PLXNA4: variants seen among roughly 807,000 people sequenced by gnomAD.
The protein encoded by PLXNA4 is plexin A4, also known as plexin-A4.
In PLXNA4, 44 loss-of-function variants were observed where a neutral mutation model predicts 191.8. The observed-to-expected ratio is 0.23, with a 90% CI of 0.18 to 0.29. The LOEUF is 0.29. Among genes scored for constraint, PLXNA4 ranks in the 10% least tolerant of loss-of-function variants. The probability of loss-of-function intolerance (pLI) is 1.00; values close to 1 mark genes in which losing one functional copy is unlikely to be tolerated. For missense variants in PLXNA4, 1,800 were observed against 2,488.8 expected (o/e 0.72, Z 5.89); for synonymous variants, 1,082 against 1,009.5 (o/e 1.07, Z -1.36).
intron 2 of PLXNA4, among the ~76,000 whole-genome samples, chr7:132,642,587 G>A (rs893116008): frequency 1.3e-5 from 2 of 152,006 alleles, no homozygotes; most frequent in African/African-American, 2.4e-5. Flanking sequence ...GGCGAGGGAG[G>A]GGGGAACGAC....
chr7:132,274,443 A>G (rs920108545), intron 4 of PLXNA4, among the ~76,000 whole-genome samples: 38 of 152,252 alleles, frequency 2.5e-4, no homozygotes, highest in Non-Finnish European at 4.9e-4. Flanking sequence ...CCAGGACATT[A>G]ACACTGGTAC....
intron 1 of PLXNA4, among the ~76,000 whole-genome samples, chr7:132,512,085 C>T (rs543184341): frequency 7.2e-5 from 11 of 152,368 alleles, no homozygotes; most frequent in Non-Finnish European, 1.2e-4. Flanking sequence ...ATATGCTCTG[C>T]CGGCTAACAG....
At chr7:132,315,510 T>G (rs970210813) in intron 3 of PLXNA4, among the ~76,000 whole-genome samples, 1 of 152,226 alleles carries the variant, frequency 6.6e-6, no homozygotes, top group Non-Finnish European at 1.5e-5. Flanking sequence ...GTTGTATCTA[T>G]GAACAAACTA....
chr7:132,467,650 G>T (rs117744271), intron 3 of PLXNA4, among the ~76,000 whole-genome samples: 2 of 152,188 alleles, frequency 1.3e-5, no homozygotes, highest in Non-Finnish European at 2.9e-5. Flanking sequence ...AACTGCCAAA[G>T]ATCACAAAAT....
At chr7:132,328,209 G>A (rs947470787) in intron 3 of PLXNA4, among the ~76,000 whole-genome samples, 4 of 152,112 alleles carry the variant, frequency 2.6e-5, no homozygotes, top group African/African-American at 9.7e-5. Flanking sequence ...ATAATTAGAA[G>A]GAGACAGAGC....
At chr7:132,644,799 G>T (rs1454128528) in intron 2 of PLXNA4, among the ~76,000 whole-genome samples, 1 of 152,202 alleles carries the variant, frequency 6.6e-6, no homozygotes, top group East Asian at 1.9e-4. Context: ...GGCAGAGAAA[G>T]TGCTTTATTA....
chr7:132,242,660 C>A lies in PLXNA4; in HGVS notation c.1504-1494G>T, dbSNP rs542777190. 2.6e-4 allele frequency among the ~76,000 whole-genome samples: 39 copies of A among 152,286 alleles called. 1 individual carries two copies. Among genetic ancestry groups the A allele is most frequent in the South Asian group, 4.1e-4 (2 of 4,822 alleles). ...TTTTAGCTTACCTCTCCCATTCTGA[C>A]GGCAGTGACCTTGACCTTGGTGGCC... On this transcript the variant is annotated intron_variant, in intron 4 of 31. Coordinates refer to ENST00000321063, the MANE Select transcript of PLXNA4 (RefSeq NM_020911.2).
rs569681585 is a variant in PLXNA4 at position 132,422,040 on chromosome 7, G to A, written c.1371+67252C>T. Among the ~76,000 whole-genome samples the A allele has an allele frequency of 1.5e-3, 228 of 152,304 alleles. 1 individual carries two copies. Among genetic ancestry groups the A allele is most frequent in the African/African-American group, 5.2e-3 (218 of 41,558 alleles). On this transcript the variant is annotated intron_variant, in intron 3 of 31. Coordinates refer to ENST00000321063, the MANE Select transcript of PLXNA4 (RefSeq NM_020911.2). ...GCCCTGAGCCTTTCACAGGGAAGTC[G>A]TTGTCAAATAGACACCTGTAGTCAC...
intron 12 of PLXNA4, among the ~76,000 whole-genome samples, chr7:132,201,330 G>A (rs1321681031): frequency 6.6e-6 from 1 of 152,108 alleles, no homozygotes; most frequent in East Asian, 1.9e-4. Flanking sequence ...GGCAGCCCTG[G>A]GACCCTAATA....
intron 21 of PLXNA4, among the ~76,000 whole-genome samples, chr7:132,169,985 A>T (rs1355540098): frequency 6.6e-6 from 1 of 151,916 alleles, no homozygotes; most frequent in African/African-American, 2.4e-5. Flanking sequence ...TGGGGAGGTA[A>T]CTTCGGAGTC....
chr7:132,324,364 ACT>A (rs1199233444), intron 3 of PLXNA4, among the ~76,000 whole-genome samples: 1 of 152,204 alleles, frequency 6.6e-6, no homozygotes, highest in Non-Finnish European at 1.5e-5. Flanking sequence ...TCATGTAATC[ACT>A]GTTTCAGTTC....
intron 3 of PLXNA4, among the ~76,000 whole-genome samples, chr7:132,441,858 G>A (rs1317717964): frequency 1.3e-5 from 2 of 152,198 alleles, no homozygotes; most frequent in Admixed American, 6.5e-5. Flanking sequence ...GATCCCAAAG[G>A]TAGACTCAGC....
intron 1 of PLXNA4, among the ~76,000 whole-genome samples, chr7:132,551,534 T>C (rs941123406): frequency 6.6e-6 from 1 of 152,184 alleles, no homozygotes; most frequent in Non-Finnish European, 1.5e-5. Context: ...GTAGTGAGTA[T>C]ACCTCGCTGG....
At chr7:132,443,161 C>A (rs1355986300) in intron 3 of PLXNA4, among the ~76,000 whole-genome samples, 1 of 152,204 alleles carries the variant, frequency 6.6e-6, no homozygotes, top group Non-Finnish European at 1.5e-5. Context: ...TCTTGGGGAA[C>A]AAGAAGCTTT....
Position 132,140,728 on chromosome 7 carries a change from C to A in PLXNA4, c.5309G>T (p.Cys1770Phe). The change falls in exon 30 of 32, where the codon TGC (cysteine) becomes TTC (phenylalanine). Residue 1770 changes from cysteine (C) to phenylalanine (F), a missense_variant. By Grantham distance (205) the Cys-to-Phe change is radical. Around this residue, in one of 6 missense-constraint regions of PLXNA4, gnomAD observed 101 missense variants for 182.8 expected, o/e 0.55. Coordinates refer to ENST00000321063, the MANE Select transcript of PLXNA4 (RefSeq NM_020911.2). ...DIHKNSITDA[C>F]LSVVAQTFMD... ...GAAGGTCTGAGCCACCACAGAGAGG[C>A]AGGCGTCTGTGATGCTGTTCTTATG... The A allele has an allele frequency of 6.2e-7, 1 of 1,614,110 alleles. No individual in the cohort carries two copies. Among genetic ancestry groups the A allele is most frequent in the South Asian group, 1.1e-5 (1 of 91,044 alleles).
At chr7:132,647,869 TCACA>T (rs1478694698) in intron 1 of PLXNA4, among the ~76,000 whole-genome samples, 1 of 150,758 alleles carries the variant, frequency 6.6e-6, no homozygotes, top group Admixed American at 6.6e-5. Context: ...ACACATACAC[TCACA>T]CACATCCACA....
intron 30 of PLXNA4, among the ~76,000 whole-genome samples, chr7:132,137,270 G>T (rs1038213446): frequency 6.6e-6 from 1 of 152,128 alleles, no homozygotes; most frequent in African/African-American, 2.4e-5. Flanking sequence ...TCAAATGTGT[G>T]GCACACTCTA....
At chr7:132,484,635 A>G (rs764293622) in intron 3 of PLXNA4, 178 of 1,064,388 alleles carry the variant, frequency 1.7e-4, no homozygotes, top group Non-Finnish European at 2.2e-4. Context: ...CAACAGAACT[A>G]CCTGACCGAA....
At chr7:132,599,401 A>G (rs1487715955) in intron 2 of PLXNA4, among the ~76,000 whole-genome samples, 1 of 152,228 alleles carries the variant, frequency 6.6e-6, no homozygotes, top group Admixed American at 6.5e-5. Flanking sequence ...ATCAACTTCT[A>G]TGTACTTTAT....
Sources: gnomAD v4.1 joint callset for allele counts (sites outside exome capture counted in the v4.1 genomes callset) on GRCh38, gnomAD v4.1.1 for gene constraint, gnomAD v4.1.1 regional missense constraint, MANE v1.5 for transcripts, NCBI Gene and HGNC (gene_info 2026-07-23, HGNC 2026-07-21) for gene names.